SLC12A1: variants seen among roughly 807,000 people sequenced by gnomAD.
SLC12A1 encodes the protein Na-K-2Cl cotransporter.
A neutral mutation model predicts 130.4 loss-of-function variants in SLC12A1; 89 were observed. The observed-to-expected ratio is 0.68, with a 90% CI of 0.58 to 0.81. SLC12A1 has a LOEUF of 0.81. Ranked by LOEUF, SLC12A1 falls within the 40% of genes least tolerant of loss-of-function variation. The pLI is 0.00. For missense variants in SLC12A1, 1,310 were observed against 1,336.4 expected, an observed-to-expected ratio of 0.98 and a Z score of 0.31; for synonymous variants, 499 against 460.0, an observed-to-expected ratio of 1.08 and a Z score of -1.09.
At chr15:48,215,013 G>A (rs2041103037) in intron 2 of SLC12A1, among the ~76,000 whole-genome samples, 1 of 151,162 alleles carries the variant, frequency 6.6e-6, no homozygotes, top group African/African-American at 2.4e-5. Context: ...GAATGTATAA[G>A]TAGCAAATAT....
chr15:48,261,238 G>A (rs966009851), intron 17 of SLC12A1, among the ~76,000 whole-genome samples: 6 of 152,178 alleles, frequency 3.9e-5, no homozygotes, highest in African/African-American at 1.4e-4. Flanking sequence ...GAAATAAACT[G>A]GGAGTATAAA....
At chr15:48,226,739 A>G (rs1015880953) in intron 5 of SLC12A1, 168 bp downstream of exon 5, 21 of 642,394 alleles carry the variant, frequency 3.3e-5, no homozygotes, top group Non-Finnish European at 5.5e-5. Context: ...AGAATAGTCC[A>G]GGTCTACTCT....
chr15:48,249,789 C>T, intron 14 of SLC12A1, 113 bp downstream of exon 14: 1 of 766,990 alleles, frequency 1.3e-6, no homozygotes. Flanking sequence ...TCCTTATATC[C>T]TAGTGGGAAG....
intron 9 of SLC12A1, chr15:48,235,234 G>A: frequency 1.9e-6 from 1 of 534,482 alleles, no homozygotes; most frequent in Non-Finnish European, 3.3e-6. Flanking sequence ...GAACAGGGTA[G>A]TGTGATAGTG....
chr15:48,298,019 T>C (rs2042195838), intron 24 of SLC12A1, among the ~76,000 whole-genome samples: 1 of 152,224 alleles, frequency 6.6e-6, no homozygotes, highest in Admixed American at 6.5e-5. Context: ...GCCTAATGCA[T>C]TAAGTATCTT....
intron 20 of SLC12A1, among the ~76,000 whole-genome samples, chr15:48,281,160 AC>A (rs1365277520): frequency 1.3e-5 from 2 of 152,166 alleles, no homozygotes; most frequent in Non-Finnish European, 2.9e-5. Context: ...TGGTCAAGTT[AC>A]CCATCCTCTC....
chr15:48,253,281 G>A (rs537491670), intron 15 of SLC12A1, among the ~76,000 whole-genome samples: 16 of 152,246 alleles, frequency 1.1e-4, no homozygotes, highest in South Asian at 4.1e-4. Flanking sequence ...TGCTGTAACC[G>A]TCATCAAGAT....
At chr15:48,257,094 A>G (rs1256806267) in intron 16 of SLC12A1, among the ~76,000 whole-genome samples, 3 of 152,220 alleles carry the variant, frequency 2.0e-5, no homozygotes, top group Non-Finnish European at 4.4e-5. Context: ...TGCCCCATGC[A>G]AGTCCGAAAT....
intron 3 of SLC12A1, 61 bp from the exon 4 acceptor site, chr15:48,220,859 GC>G: frequency 1.2e-6 from 2 of 1,610,384 alleles, no homozygotes; most frequent in Middle Eastern, 1.7e-4. Context: ...TTTATGAAGA[GC>G]CCCGGGTTTT....
chr15:48,226,627 T>G, intron 5 of SLC12A1, 56 bp downstream of exon 5: 1 of 995,138 alleles, frequency 1.0e-6, no homozygotes, highest in South Asian at 1.4e-5. Flanking sequence ...AGGCGAACAA[T>G]TTTTTATACT....
At chr15:48,212,909 G>T (rs1329393561) in intron 2 of SLC12A1, among the ~76,000 whole-genome samples, 1 of 152,136 alleles carries the variant, frequency 6.6e-6, no homozygotes, top group East Asian at 1.9e-4. Flanking sequence ...AACTTTAAAT[G>T]CAGTGTAGTA....
At chr15:48,293,755 A>C (rs556689640) in intron 24 of SLC12A1, among the ~76,000 whole-genome samples, 1 of 152,280 alleles carries the variant, frequency 6.6e-6, no homozygotes, top group South Asian at 2.1e-4. Flanking sequence ...TTTACAAAAC[A>C]CCTTAACTGC....
At chr15:48,264,809 C>T (rs1471454888) in intron 17 of SLC12A1, among the ~76,000 whole-genome samples, 1 of 152,144 alleles carries the variant, frequency 6.6e-6, no homozygotes, top group Non-Finnish European at 1.5e-5. Context: ...GTTGGAACCC[C>T]TTTACAAACT....
At chr15:48,228,583 A>G in intron 5 of SLC12A1, 1 of 211,402 alleles carries the variant, frequency 4.7e-6, no homozygotes, top group Non-Finnish European at 1.0e-5. Flanking sequence ...TTGTATATAT[A>G]TGTTTATATA....
At chr15:48,274,768 T>C in intron 20 of SLC12A1, 115 bp downstream of exon 20, 1 of 645,626 alleles carries the variant, frequency 1.5e-6, no homozygotes, top group East Asian at 2.8e-5. Flanking sequence ...ACAGTGGAGC[T>C]TACATTCTAG....
chr15:48,259,448 T>G, intron 17 of SLC12A1, 137 bp downstream of exon 17: 1 of 686,240 alleles, frequency 1.5e-6, no homozygotes, highest in Non-Finnish European at 2.6e-6. Context: ...CTACCTTGAT[T>G]CATAGAGCAA....
At position 48,249,653 on chromosome 15, in the gene SLC12A1, A is replaced by T; in HGVS notation, c.1763A>T (p.His588Leu). 6.2e-7 allele frequency: 1 copy of T among 1,613,440 alleles called. No individual in the cohort carries two copies. The highest frequency in any genetic ancestry group is 8.5e-7 in the Non-Finnish European group (1 of 1,179,416). Residue 588 changes from histidine to leucine, a missense_variant, in exon 14 of 27, where the codon CAT becomes CTT. Coordinates refer to ENST00000380993, the MANE Select transcript of SLC12A1 (RefSeq NM_000338.3). ...SYALINFSCF[H>L]ASYAKSPGWR... ...GCACTTATTAATTTCTCCTGCTTCC[A>T]TGCCTCTTATGCCAAATCTCCAGGT... is the stretch of plus-strand genomic sequence containing the variant.
At position 48,234,975 on chromosome 15, in the gene SLC12A1, G is replaced by C; in HGVS notation, c.1186G>C (p.Ala396Pro). 1 of 1,613,822 alleles carries C rather than the reference G, an allele frequency of 6.2e-7. No homozygotes were observed. Among genetic ancestry groups the C allele is most frequent in the Non-Finnish European group, 8.5e-7 (1 of 1,179,840 alleles). ...TTTCCCAGCAGCTACTGGGATTCTTGCTGGTGCCAATATCTCAGGAGATTT... is the reference window on the plus strand; with the variant it reads ...TTTCCCAGCAGCTACTGGGATTCTTCCTGGTGCCAATATCTCAGGAGATTT... ...IFFPAATGIL[A>P]GANISGDLED... Residue 396 changes from alanine to proline, a missense_variant, in exon 9 of 27, where the codon GCT (alanine) becomes CCT (proline). Coordinates refer to ENST00000380993, the MANE Select transcript of SLC12A1 (RefSeq NM_000338.3).
At chr15:48,275,015 C>T (rs34975539) in intron 20 of SLC12A1, among the ~76,000 whole-genome samples, 3,468 of 152,200 alleles carry the variant, frequency 0.023, 140 homozygotes, top group African/African-American at 0.08. Context: ...TGGAAAAACA[C>T]GTATTTTGCT....
Sources: allele counts gnomAD v4.1 joint callset (sites outside exome capture counted in the v4.1 genomes callset), GRCh38; gene constraint gnomAD v4.1.1; transcripts MANE v1.5; gene names NCBI Gene and HGNC (gene_info 2026-07-23, HGNC 2026-07-21).